The following AFTPH variants were observed in gnomAD, a reference collection of about 807,000 sequenced individuals.
AFTPH encodes aftiphilin protein.
In AFTPH, 7 loss-of-function variants were observed where a neutral mutation model predicts 72.5. That is an observed-to-expected ratio of 0.10 (90% CI 0.05 to 0.18). AFTPH has a LOEUF of 0.18. AFTPH is among the 10% of genes least tolerant of loss of function. The pLI is 1.00. For synonymous variants in AFTPH, 337 were observed against 370.1 expected (o/e 0.91, Z 1.03); for missense variants, 979 against 1,060.5 (o/e 0.92, Z 1.07).
At chr2:64,553,702 TAAAAA>T (rs5831703) in intron 2 of AFTPH, among the ~76,000 whole-genome samples, 3 of 139,294 alleles carry the variant, frequency 2.2e-5, no homozygotes, top group African/African-American at 5.2e-5. Context: ...CCATATATGT[TAAAAA>T]AAAAAAAAAA....
chr2:64,564,205 T>G (rs1187189109), intron 2 of AFTPH, among the ~76,000 whole-genome samples: 1 of 152,226 alleles, frequency 6.6e-6, no homozygotes, highest in Non-Finnish European at 1.5e-5. Context: ...TAAATTGAGA[T>G]AAGTATTTTC....
intron 5 of AFTPH, among the ~76,000 whole-genome samples, chr2:64,571,192 G>C (rs1672405321): frequency 6.6e-6 from 1 of 151,424 alleles, no homozygotes; most frequent in Non-Finnish European, 1.5e-5. Context: ...TTAAGCCACT[G>C]GTTCTCAAAC....
At chr2:64,545,167 G>GA (rs1316016346) in intron 1 of AFTPH, among the ~76,000 whole-genome samples, 1 of 151,354 alleles carries the variant, frequency 6.6e-6, no homozygotes. Flanking sequence ...ATTAGGCTAG[G>GA]AAAAAAAAGC....
intron 2 of AFTPH, among the ~76,000 whole-genome samples, chr2:64,567,024 G>A (rs530297302): frequency 6.6e-6 from 1 of 152,232 alleles, no homozygotes; most frequent in Non-Finnish European, 1.5e-5. Context: ...TAGCAGCAAA[G>A]ATATTTCCAA....
At chr2:64,577,141 C>T (rs1372973266) in intron 6 of AFTPH, among the ~76,000 whole-genome samples, 1 of 152,192 alleles carries the variant, frequency 6.6e-6, no homozygotes, top group African/African-American at 2.4e-5. Context: ...GGACTGGAAT[C>T]CAAGCCTCCT....
intron 2 of AFTPH, among the ~76,000 whole-genome samples, chr2:64,563,009 C>T (rs1004739608): frequency 6.6e-6 from 1 of 152,192 alleles, no homozygotes; most frequent in Non-Finnish European, 1.5e-5. Context: ...CTGTTTGATG[C>T]AACCTTTTTC....
At chr2:64,555,947 C>T (rs1429599993) in intron 2 of AFTPH, among the ~76,000 whole-genome samples, 1 of 150,852 alleles carries the variant, frequency 6.6e-6, no homozygotes, top group African/African-American at 2.4e-5. Context: ...AATGTTTTCC[C>T]TAGTTGCTCC....
intron 6 of AFTPH, 43 bp downstream of exon 6, chr2:64,573,111 A>G (rs1189874264): frequency 3.4e-6 from 5 of 1,469,634 alleles, no homozygotes; most frequent in African/African-American, 2.8e-5. Context: ...ATGCGTGTAT[A>G]TACACATATA....
At position 64,567,490 on chromosome 2, in the gene AFTPH, C is replaced by T. The variant is rs1462557803; in HGVS notation, c.1936-72C>T. 2.7e-6 allele frequency: 4 copies of T among 1,496,406 alleles called. No homozygotes were observed. The African/African-American group carries it at 4.2e-5, about 16-fold the overall frequency. The allele number at this position is 1,496,406 out of a possible 1,614,324, so 92.7% of individuals were successfully genotyped here. A position where few individuals can be genotyped will look rare whatever the true frequency, so the allele number is the denominator to read the frequency against. On this transcript the variant is annotated intron_variant, in intron 2 of 8. Coordinates refer to ENST00000238856, the Ensembl canonical transcript of AFTPH. ...AGTGGACAGGGTGTGCGTGTGTTTG[C>T]ATTTTAATGCTATAACTATGATATT...
intron 1 of AFTPH, among the ~76,000 whole-genome samples, chr2:64,551,186 A>G (rs1227161538): frequency 6.6e-6 from 1 of 152,076 alleles, no homozygotes; most frequent in Admixed American, 6.5e-5. Context: ...TTAATGTACT[A>G]CCAGTGCTCT....
At chr2:64,549,526 G>A (rs952124965) in intron 1 of AFTPH, among the ~76,000 whole-genome samples, 11 of 151,174 alleles carry the variant, frequency 7.3e-5, no homozygotes, top group Admixed American at 7.2e-4. Flanking sequence ...TCACCGTGTT[G>A]GCCAGGCTGG....
At chr2:64,548,468 G>A (rs1466265575) in intron 1 of AFTPH, among the ~76,000 whole-genome samples, 2 of 146,220 alleles carry the variant, frequency 1.4e-5, no homozygotes, top group African/African-American at 5.1e-5. Flanking sequence ...GTTAATGGCT[G>A]TATAATATGC....
chr2:64,530,783 T>C (rs896650324), intron 1 of AFTPH, among the ~76,000 whole-genome samples: 1 of 152,130 alleles, frequency 6.6e-6, no homozygotes, highest in Non-Finnish European at 1.5e-5. Flanking sequence ...GCTTTTTGGC[T>C]GGGTGTGGTG....
At chr2:64,580,323 T>G (rs3821140) in intron 7 of AFTPH, 4,642 of 152,744 alleles carry the variant, frequency 0.03, 186 homozygotes, top group East Asian at 0.11. Flanking sequence ...ATGGCAATTA[T>G]TTTGCCATTG....
chr2:64,577,702 T>C (rs1052190130), intron 6 of AFTPH, among the ~76,000 whole-genome samples: 2 of 152,188 alleles, frequency 1.3e-5, no homozygotes, highest in African/African-American at 4.8e-5. Flanking sequence ...TTTCTAAATA[T>C]TTATTAGCTG....
chr2:64,550,329 A>G (rs1670951129), intron 1 of AFTPH, among the ~76,000 whole-genome samples: 1 of 152,098 alleles, frequency 6.6e-6, no homozygotes, highest in Non-Finnish European at 1.5e-5. Context: ...AGCCCAAGAA[A>G]CCAGCCTGGG....
exon 2 of AFTPH, chr2:64,552,666 A>C: frequency 6.2e-7 from 1 of 1,614,244 alleles, no homozygotes; most frequent in South Asian, 1.1e-5. Context: ...AAGCCCAAAC[A>C]TTGACCCCAC....
chr2:64,575,701 ATATGTGTGTG>A (rs1672724505), intron 6 of AFTPH, among the ~76,000 whole-genome samples: 1 of 115,580 alleles, frequency 8.7e-6, no homozygotes, highest in Non-Finnish European at 1.7e-5. Flanking sequence ...GTATGTGTGT[ATATGTGTGTG>A]TGTGTGTGTG....
exon 9 of AFTPH, chr2:64,592,046 T>C (rs775675990): frequency 1.6e-5 from 25 of 1,611,592 alleles, no homozygotes; most frequent in Non-Finnish European, 2.1e-5. Context: ...CTGATGTGAA[T>C]TGGACAGTTT....
Sources: allele counts gnomAD v4.1 joint callset (sites outside exome capture counted in the v4.1 genomes callset), GRCh38; gene constraint gnomAD v4.1.1; transcripts MANE v1.5; gene names NCBI Gene and HGNC (gene_info 2026-07-23, HGNC 2026-07-21).